The following LRFN2 variants were observed in gnomAD, a reference collection of about 807,000 sequenced individuals.
LRFN2 encodes leucine-rich repeat and fibronectin type-III domain-containing protein 2.
Under a neutral mutation model 37.3 loss-of-function variants are expected in LRFN2, and 18 were observed. The ratio of observed to expected loss-of-function variants is 0.48; its 90% CI spans 0.33 to 0.72. The LOEUF (loss-of-function observed/expected upper bound fraction) is 0.72, where lower values mean the gene tolerates loss of function less well. Ranked by LOEUF, LRFN2 falls within the 30% of genes least tolerant of loss-of-function variation. LRFN2 has a pLI of 0.02. For synonymous variants in LRFN2, 556 were observed against 466.6 expected (o/e 1.19, Z -2.47); for missense variants, 1,006 against 1,060.7 (o/e 0.95, Z 0.72).
At chr6:40,439,276 T>G (rs530893356) in intron 1 of LRFN2, among the ~76,000 whole-genome samples, 88 of 152,116 alleles carry the variant, frequency 5.8e-4, no homozygotes, top group Non-Finnish European at 1.2e-3. Flanking sequence ...TAAAAAGAAA[T>G]GGCCCCTCCA....
intron 1 of LRFN2, among the ~76,000 whole-genome samples, chr6:40,477,838 T>C (rs1764742126): frequency 6.6e-6 from 1 of 152,102 alleles, no homozygotes; most frequent in Admixed American, 6.5e-5. Flanking sequence ...GAGTCATCCG[T>C]GCCCCTCTTT....
At position 40,458,501 on chromosome 6, in the gene LRFN2, T is replaced by C. The variant is rs147102226; in HGVS notation, c.-18-25370A>G. On this transcript the variant is annotated intron_variant, in intron 1 of 2. Transcript: ENST00000338305. ...CGTTGGTTTCTATATCCTGGCTATGTTGACGGGTGATAGTCCAGAGCAACA... is the reference window on the plus strand; with the variant it reads ...CGTTGGTTTCTATATCCTGGCTATGCTGACGGGTGATAGTCCAGAGCAACA... 3.1e-3 allele frequency among the ~76,000 whole-genome samples: 469 copies of C among 152,356 alleles called. 3 individuals carry two copies. Among genetic ancestry groups the C allele is most frequent in the African/African-American group, 0.01 (428 of 41,576 alleles).
chr6:40,423,697 G>A (rs1477685740), intron 2 of LRFN2, among the ~76,000 whole-genome samples: 1 of 152,190 alleles, frequency 6.6e-6, no homozygotes. Context: ...TTGCAGAAAT[G>A]TGTGCCCAGT....
chr6:40,446,781 G>A (rs1763979323), intron 1 of LRFN2, among the ~76,000 whole-genome samples: 1 of 152,258 alleles, frequency 6.6e-6, no homozygotes, highest in African/African-American at 2.4e-5. Flanking sequence ...AGCAAAATCT[G>A]CCTTGTTTCT....
chr6:40,473,289 T>A (rs1480364366), intron 1 of LRFN2, among the ~76,000 whole-genome samples: 1 of 152,196 alleles, frequency 6.6e-6, no homozygotes, highest in African/African-American at 2.4e-5. Flanking sequence ...TTAAATGTCA[T>A]GTCTCCAGGA....
intron 2 of LRFN2, among the ~76,000 whole-genome samples, chr6:40,400,040 C>A (rs542849696): frequency 4.6e-5 from 7 of 151,904 alleles, no homozygotes; most frequent in African/African-American, 1.7e-4. Context: ...TCTTTCTCCA[C>A]TGGGTGACCT....
chr6:40,561,916 T>C (rs2113788891), intron 1 of LRFN2, among the ~76,000 whole-genome samples: 1 of 152,238 alleles, frequency 6.6e-6, no homozygotes, highest in Admixed American at 6.5e-5. Context: ...TCCACCATGA[T>C]GACCAGGAGT....
intron 2 of LRFN2, among the ~76,000 whole-genome samples, chr6:40,425,330 C>T (rs1018267966): frequency 2.0e-5 from 3 of 152,258 alleles, no homozygotes; most frequent in Non-Finnish European, 4.4e-5. Context: ...GCCTTAGGAG[C>T]ATGCCTGCTC....
At chr6:40,421,179 C>A (rs557059922) in intron 2 of LRFN2, among the ~76,000 whole-genome samples, 2 of 152,324 alleles carry the variant, frequency 1.3e-5, no homozygotes, top group Admixed American at 6.5e-5. Context: ...GTCCCTGACT[C>A]CATGGAGCTC....
intron 1 of LRFN2, among the ~76,000 whole-genome samples, chr6:40,548,703 T>C (rs1185382286): frequency 6.6e-6 from 1 of 152,204 alleles, no homozygotes; most frequent in Admixed American, 6.5e-5. Context: ...ACAGGTCCTA[T>C]CAGAGTGAAG....
chr6:40,538,809 G>T (rs1031376727), intron 1 of LRFN2, among the ~76,000 whole-genome samples: 1 of 152,264 alleles, frequency 6.6e-6, no homozygotes, highest in Non-Finnish European at 1.5e-5. Flanking sequence ...AAGGAGGGCA[G>T]TGAGTCCTGC....
chr6:40,467,587 C>T (rs1436366284), intron 1 of LRFN2, among the ~76,000 whole-genome samples: 2 of 152,136 alleles, frequency 1.3e-5, no homozygotes, highest in African/African-American at 4.8e-5. Flanking sequence ...TATCTGCAAC[C>T]TGAATGGTAA....
intron 1 of LRFN2, among the ~76,000 whole-genome samples, chr6:40,477,308 G>A: frequency 6.6e-6 from 1 of 152,150 alleles, no homozygotes; most frequent in East Asian, 1.9e-4. Context: ...TGAGTCAAGG[G>A]CTCTCCTCGA....
At chr6:40,492,343 C>T (rs955032963) in intron 1 of LRFN2, among the ~76,000 whole-genome samples, 5 of 152,128 alleles carry the variant, frequency 3.3e-5, no homozygotes, top group Non-Finnish European at 5.9e-5. Flanking sequence ...CGGCTGTCCC[C>T]GCCCCACAGC....
chr6:40,407,597 A>C (rs998673642), intron 2 of LRFN2, among the ~76,000 whole-genome samples: 21 of 152,256 alleles, frequency 1.4e-4, no homozygotes, highest in African/African-American at 5.1e-4. Context: ...AGCTTGTTCA[A>C]CAACAACTCA....
At chr6:40,420,581 G>T (rs1001719768) in intron 2 of LRFN2, among the ~76,000 whole-genome samples, 4 of 152,250 alleles carry the variant, frequency 2.6e-5, no homozygotes, top group Non-Finnish European at 4.4e-5. Flanking sequence ...CGCCCATGCA[G>T]CTCTGTGGCC....
At chr6:40,523,535 T>A (rs1266149703) in intron 1 of LRFN2, among the ~76,000 whole-genome samples, 15 of 92,800 alleles carry the variant, frequency 1.6e-4, no homozygotes, top group South Asian at 3.7e-4. Flanking sequence ...TTTTTTTTTT[T>A]ACCGATAGCC....
At chr6:40,469,387 C>A (rs967486547) in intron 1 of LRFN2, among the ~76,000 whole-genome samples, 1 of 151,980 alleles carries the variant, frequency 6.6e-6, no homozygotes, top group African/African-American at 2.4e-5. Flanking sequence ...TCCCAGAAAG[C>A]GATCCAACCA....
intron 1 of LRFN2, among the ~76,000 whole-genome samples, chr6:40,463,438 A>G (rs555214846): frequency 1.7e-4 from 26 of 152,168 alleles, no homozygotes; most frequent in African/African-American, 5.5e-4. Context: ...GGACCTAACA[A>G]TGATACTACT....
Sources: gnomAD v4.1 joint callset for allele counts (sites outside exome capture counted in the v4.1 genomes callset) on GRCh38, gnomAD v4.1.1 for gene constraint, MANE v1.5 for transcripts, NCBI Gene and HGNC (gene_info 2026-07-23, HGNC 2026-07-21) for gene names.